Variants in PRKDC observed in about 807,000 individuals in gnomAD.
The protein encoded by PRKDC is DNA-dependent protein kinase catalytic subunit.
Under a neutral mutation model 486.9 loss-of-function variants are expected in PRKDC, and 82 were observed. The observed-to-expected ratio is 0.17, with a 90% CI of 0.14 to 0.20. The LOEUF is 0.20. PRKDC is among the 10% of genes least tolerant of loss of function. PRKDC has a pLI of 1.00. For synonymous variants in PRKDC, 1,895 were observed against 1,837.0 expected, an observed-to-expected ratio of 1.03 and a Z score of -0.81; for missense variants, 4,504 against 5,038.2, an observed-to-expected ratio of 0.89 and a Z score of 3.21.
intron 49 of PRKDC, among the ~76,000 whole-genome samples, chr8:47,856,302 A>C (rs2088538805): frequency 1.3e-5 from 2 of 152,206 alleles, no homozygotes; most frequent in Non-Finnish European, 2.9e-5. Flanking sequence ...ATTTCAGCTC[A>C]CCACAACCTC....
At chr8:47,932,876 T>A (rs910771514) in intron 16 of PRKDC, 144 bp downstream of exon 16, 1 of 580,948 alleles carries the variant, frequency 1.7e-6, no homozygotes, top group African/African-American at 1.9e-5. Flanking sequence ...CCAACAGAAA[T>A]GCATCAGTGG....
At chr8:47,796,331 C>T (rs949575454) in intron 73 of PRKDC, among the ~76,000 whole-genome samples, 2 of 151,300 alleles carry the variant, frequency 1.3e-5, no homozygotes, top group African/African-American at 4.9e-5. Context: ...AGCGAGACTC[C>T]GTCACCAAAA....
intron 22 of PRKDC, among the ~76,000 whole-genome samples, chr8:47,915,711 C>A (rs577433973): frequency 7.9e-5 from 12 of 152,278 alleles, no homozygotes; most frequent in Non-Finnish European, 1.3e-4. Context: ...CTATATTTTT[C>A]AAACAAATGA....
At position 47,803,304 on chromosome 8, in the gene PRKDC, A is replaced by G. The variant is rs1413713128; in HGVS notation, c.9922+2T>C. 1 of 1,603,370 alleles carries G rather than the reference A, an allele frequency of 6.2e-7. No homozygotes were observed. The highest frequency in any genetic ancestry group is 1.1e-5 in the South Asian group (1 of 89,708). On this transcript the variant is annotated splice_donor_variant, in intron 70 of 85. Coordinates refer to ENST00000314191, the MANE Select transcript of PRKDC (RefSeq NM_006904.7). LOFTEE classifies it high-confidence loss of function. ...ATAAGTGGATAAAAGCGGTCAACTT[A>G]CCCAACAAAGAGACTGTTTTCAGCA... is the stretch of plus-strand genomic sequence containing the variant.
intron 50 of PRKDC, among the ~76,000 whole-genome samples, 172 bp downstream of exon 50, chr8:47,855,050 C>T (rs904216433): frequency 6.6e-6 from 1 of 152,280 alleles, no homozygotes; most frequent in African/African-American, 2.4e-5. Context: ...CTGGAGGGTG[C>T]GAGACACGCA....
chr8:47,891,289 G>C (rs1268077739), intron 31 of PRKDC, among the ~76,000 whole-genome samples: 1 of 152,144 alleles, frequency 6.6e-6, no homozygotes, highest in Non-Finnish European at 1.5e-5. Context: ...AAGCCTTTTT[G>C]TAAGTCTCAT....
chr8:47,941,767 T>A (rs1304759961), intron 10 of PRKDC, among the ~76,000 whole-genome samples: 1 of 152,252 alleles, frequency 6.6e-6, no homozygotes, highest in Non-Finnish European at 1.5e-5. Context: ...TTGAGGATAG[T>A]TCTCTTGAAC....
At chr8:47,878,393 C>A (rs1182394799) in intron 39 of PRKDC, among the ~76,000 whole-genome samples, 2 of 152,218 alleles carry the variant, frequency 1.3e-5, no homozygotes, top group Non-Finnish European at 2.9e-5. Flanking sequence ...GCGTGAGCCA[C>A]TGTACCTAGC....
intron 49 of PRKDC, among the ~76,000 whole-genome samples, chr8:47,855,985 C>CG (rs2088532020): frequency 6.6e-6 from 1 of 152,180 alleles, no homozygotes; most frequent in African/African-American, 2.4e-5. Flanking sequence ...TCAGCTACCT[C>CG]GAGCCCGGCA....
intron 26 of PRKDC, among the ~76,000 whole-genome samples, chr8:47,903,722 TCTTA>T (rs571577131): frequency 4.1e-4 from 63 of 152,318 alleles, no homozygotes; most frequent in African/African-American, 1.4e-3. Context: ...TTTCTTAATC[TCTTA>T]CTTAATCTAC....
intron 73 of PRKDC, among the ~76,000 whole-genome samples, chr8:47,797,555 C>T (rs1389534582): frequency 2.6e-5 from 4 of 152,334 alleles, no homozygotes; most frequent in African/African-American, 7.2e-5. Context: ...TGAACTATTA[C>T]ATTTTCAACT....
chr8:47,861,272 T>C (rs1006599997), intron 44 of PRKDC, among the ~76,000 whole-genome samples: 1 of 152,232 alleles, frequency 6.6e-6, no homozygotes, highest in Admixed American at 6.5e-5. Flanking sequence ...ATTCTATTTA[T>C]CTCTGAACCT....
At chr8:47,850,506 G>C (rs1589741341) in intron 52 of PRKDC, among the ~76,000 whole-genome samples, 1 of 152,150 alleles carries the variant, frequency 6.6e-6, no homozygotes, top group African/African-American at 2.4e-5. Flanking sequence ...TTTTGGAATA[G>C]AGATACCGAA....
intron 85 of PRKDC, among the ~76,000 whole-genome samples, chr8:47,776,215 C>T (rs906955317): frequency 3.9e-5 from 6 of 152,166 alleles, no homozygotes; most frequent in African/African-American, 7.2e-5. Context: ...GAAACAAGGA[C>T]CTAACTTCAT....
At chr8:47,897,682 T>C (rs1235745708) in intron 29 of PRKDC, among the ~76,000 whole-genome samples, 3 of 152,148 alleles carry the variant, frequency 2.0e-5, no homozygotes, top group African/African-American at 7.2e-5. Flanking sequence ...ACCCCAGGGG[T>C]ACACAGAAAT....
intron 66 of PRKDC, among the ~76,000 whole-genome samples, 181 bp from the exon 67 acceptor site, chr8:47,819,691 A>G (rs996408833): frequency 6.6e-6 from 1 of 152,146 alleles, no homozygotes; most frequent in African/African-American, 2.4e-5. Context: ...TAAATTTTAA[A>G]AAAAAATTTA....
At chr8:47,876,933 T>C (rs1222902840) in intron 40 of PRKDC, among the ~76,000 whole-genome samples, 2 of 152,202 alleles carry the variant, frequency 1.3e-5, no homozygotes, top group Non-Finnish European at 2.9e-5. Flanking sequence ...AATCCTAGCA[T>C]CACTAAAAGC....
At position 47,846,721 on chromosome 8, in the gene PRKDC, CTT is replaced by C. The variant is rs758424121; in HGVS notation, c.7280+2431_7280+2432del. Among the ~76,000 whole-genome samples, 43 of 152,308 alleles carry C rather than the reference CTT, an allele frequency of 2.8e-4. 1 individual carries two copies. Among genetic ancestry groups the C allele is most frequent in the Admixed American group, 4.6e-4 (7 of 15,300 alleles). ...GAAAAGAAGAAATCAAACTATTCCT[CTT>C]CTCTGATGGTATGATTCTATACCCA... On this transcript the variant is annotated intron_variant, in intron 54 of 85. Transcript: ENST00000314191.
In PRKDC at chr8:47,799,376, C is replaced by G. The variant is rs757174742; in HGVS notation, c.10131G>C (p.Leu3377=). 2 of 1,567,028 alleles carry G rather than the reference C, an allele frequency of 1.3e-6. No homozygotes were observed. Among genetic ancestry groups the G allele is most frequent in the Admixed American group, 3.8e-5 (2 of 52,358 alleles). The change falls in exon 72 of 86, where the codon CTG becomes CTC. Residue 3377 remains leucine (L), a synonymous_variant. Coordinates refer to ENST00000314191, the MANE Select transcript of PRKDC (RefSeq NM_006904.7). ...SEDSEKVIAG[L]YQRAFQHLSE... is the part of the protein sequence containing the mutation. ...AGAGGTGCTGGAATGCTCTCTGGTA[C>G]AGACCCGCGATCACCTGGAATTCAC...
Sources: allele counts gnomAD v4.1 joint callset (sites outside exome capture counted in the v4.1 genomes callset), GRCh38; gene constraint gnomAD v4.1.1; transcripts MANE v1.5; gene names NCBI Gene and HGNC (gene_info 2026-07-23, HGNC 2026-07-21).